The following ERICH6B variants were observed in gnomAD, a reference collection of about 807,000 sequenced individuals.
ERICH6B encodes the protein glutamate rich 6B.
A neutral mutation model predicts 80.0 loss-of-function variants in ERICH6B; 69 were observed. That is an observed-to-expected ratio of 0.86 (90% confidence interval 0.71 to 1.05). The LOEUF is 1.05. Among genes scored for constraint, ERICH6B ranks in the 50% least tolerant of loss-of-function variants. ERICH6B has a pLI of 0.00. For synonymous variants in ERICH6B, 283 were observed against 291.9 expected (o/e 0.97, Z 0.31); for missense variants, 754 against 796.1 (o/e 0.95, Z 0.64).
At chr13:45,571,754 G>A (rs2404225) in intron 8 of ERICH6B, among the ~76,000 whole-genome samples, 13,435 of 152,158 alleles carry the variant, frequency 0.088, 992 homozygotes, top group African/African-American at 0.2. Context: ...CTCAGGGTGG[G>A]CTCTAATCCA....
chr13:45,594,077 C>T (rs530662433), intron 3 of ERICH6B, among the ~76,000 whole-genome samples: 10 of 152,232 alleles, frequency 6.6e-5, no homozygotes, highest in Middle Eastern at 3.4e-3. Context: ...AGGTTCAACA[C>T]GAGGGTAAAC....
At position 45,544,951 on chromosome 13, in the gene ERICH6B, G is replaced by T; in HGVS notation, c.1681C>A (p.Pro561Thr). 6.4e-7 allele frequency: 1 copy of T among 1,551,294 alleles called. No homozygotes were observed. The highest frequency in any genetic ancestry group is 8.7e-7 in the Non-Finnish European group (1 of 1,147,006). ...NLSSNLGYYF[P>T]KDKRQKAWNW... Reference sequence around the variant, plus strand: ...CAGGCCTTCTGGCGTTTGTCTTTGGGGAAGTAGTAGCCCAGGTTGGAGCTC... The same window carrying T: ...CAGGCCTTCTGGCGTTTGTCTTTGGTGAAGTAGTAGCCCAGGTTGGAGCTC... Residue 561 changes from proline to threonine, a missense_variant, in exon 14 of 15, where the codon CCC becomes ACC. Transcript: ENST00000298738.
intron 5 of ERICH6B, among the ~76,000 whole-genome samples, chr13:45,582,234 A>G (rs909214886): frequency 1.3e-5 from 2 of 152,192 alleles, no homozygotes; most frequent in African/African-American, 4.8e-5. Context: ...CCCCAAACTG[A>G]ACGCGCCATT....
chr13:45,544,756 T>C lies in ERICH6B; in HGVS notation c.1872+4A>G. The C allele has an allele frequency of 6.4e-7, 1 of 1,551,454 alleles. No homozygotes were observed. The highest frequency in any genetic ancestry group is 8.7e-7 in the Non-Finnish European group (1 of 1,146,820). On this transcript the variant is annotated splice_donor_region_variant and intron_variant, in intron 14 of 14. Transcript: ENST00000298738. ...GTGGAGGGTATGGGGAGTTGTGACC[T>C]TACCTTGTACCTGGTGCCCAGGTTT...
intron 3 of ERICH6B, 142 bp downstream of exon 3, chr13:45,596,227 T>A (rs930397889): frequency 1.1e-5 from 12 of 1,114,534 alleles, no homozygotes; most frequent in South Asian, 1.7e-5. Flanking sequence ...TTCCTGGGCA[T>A]CCTGGTAAAC....
chr13:45,583,755 C>G (rs762019624), intron 5 of ERICH6B, among the ~76,000 whole-genome samples: 5 of 152,204 alleles, frequency 3.3e-5, no homozygotes, highest in Non-Finnish European at 5.9e-5. Context: ...AGTTCTCTCT[C>G]TTGCCTGCTG....
At chr13:45,575,673 C>T (rs988387534) in intron 7 of ERICH6B, among the ~76,000 whole-genome samples, 3 of 152,208 alleles carry the variant, frequency 2.0e-5, no homozygotes, top group African/African-American at 7.2e-5. Context: ...GAGATGAATC[C>T]CCGAGCCAGT....
intron 8 of ERICH6B, among the ~76,000 whole-genome samples, chr13:45,569,404 G>A (rs1199256701): frequency 6.6e-6 from 1 of 152,226 alleles, no homozygotes; most frequent in Non-Finnish European, 1.5e-5. Context: ...GGAACTACAG[G>A]TGTGTGCCAC....
intron 2 of ERICH6B, among the ~76,000 whole-genome samples, chr13:45,600,892 T>C (rs1260318897): frequency 6.6e-6 from 1 of 152,186 alleles, no homozygotes; most frequent in Admixed American, 6.5e-5. Context: ...TAAATGGTAG[T>C]TCTATAAGTC....
chr13:45,611,204 T>C (rs1342822495), intron 1 of ERICH6B, among the ~76,000 whole-genome samples: 4 of 152,174 alleles, frequency 2.6e-5, no homozygotes, highest in Non-Finnish European at 5.9e-5. Flanking sequence ...TAGAATCCCA[T>C]TGTCCAGCCC....
intron 6 of ERICH6B, among the ~76,000 whole-genome samples, chr13:45,580,356 A>G (rs11618477): frequency 0.12 from 18,194 of 152,152 alleles, 1,774 homozygotes; most frequent in African/African-American, 0.27. Context: ...GATAAATATT[A>G]TTTCCTCTCC....
intron 4 of ERICH6B, among the ~76,000 whole-genome samples, chr13:45,588,242 G>C (rs1876004017): frequency 6.6e-6 from 1 of 152,162 alleles, no homozygotes; most frequent in African/African-American, 2.4e-5. Flanking sequence ...GCCCTGGGAA[G>C]TCTCCCTTCA....
intron 13 of ERICH6B, among the ~76,000 whole-genome samples, chr13:45,548,422 A>G (rs1874071982): frequency 6.6e-6 from 1 of 152,170 alleles, no homozygotes; most frequent in Non-Finnish European, 1.5e-5. Flanking sequence ...TTGCTGATGA[A>G]TTCCCTCGGG....
chr13:45,605,306 G>A (rs768990553), intron 2 of ERICH6B, among the ~76,000 whole-genome samples: 7 of 152,220 alleles, frequency 4.6e-5, no homozygotes, highest in Non-Finnish European at 1.0e-4. Context: ...TGTAATTTGC[G>A]ACGTCTGCTT....
At chr13:45,600,753 G>A (rs1949822528) in intron 2 of ERICH6B, among the ~76,000 whole-genome samples, 2 of 152,266 alleles carry the variant, frequency 1.3e-5, no homozygotes, top group African/African-American at 2.4e-5. Flanking sequence ...TCCGTTGGTG[G>A]ACACTTAGGT....
At chr13:45,612,975 C>G (rs1018507245) in intron 1 of ERICH6B, among the ~76,000 whole-genome samples, 31 of 152,196 alleles carry the variant, frequency 2.0e-4, no homozygotes, top group African/African-American at 7.5e-4. Context: ...AGACTGGACT[C>G]TTCAGACACC....
At chr13:45,544,482 A>G (rs7990204) in intron 14 of ERICH6B, among the ~76,000 whole-genome samples, 19,253 of 152,194 alleles carry the variant, frequency 0.13, 3,601 homozygotes, top group African/African-American at 0.41. Flanking sequence ...TTGGCCTCCC[A>G]AAGCCCTGGG....
intron 5 of ERICH6B, among the ~76,000 whole-genome samples, chr13:45,586,584 G>T (rs1418687745): frequency 1.3e-5 from 2 of 152,164 alleles, no homozygotes. Flanking sequence ...GGTGGGTTCT[G>T]AATCAGGGCT....
At chr13:45,562,277 AT>A (rs1173464863) in intron 10 of ERICH6B, among the ~76,000 whole-genome samples, 1 of 152,098 alleles carries the variant, frequency 6.6e-6, no homozygotes, top group Non-Finnish European at 1.5e-5. Context: ...GCCTGAAAGG[AT>A]TATCCCGTCT....
Sources: allele counts gnomAD v4.1 joint callset (sites outside exome capture counted in the v4.1 genomes callset), GRCh38; gene constraint gnomAD v4.1.1; transcripts MANE v1.5; gene names NCBI Gene and HGNC (gene_info 2026-07-23, HGNC 2026-07-21).